The following PRTN3 variants were observed in gnomAD, a reference collection of about 807,000 sequenced individuals.
PRTN3 encodes the protein proteinase 3.
PRTN3 carries 22 observed loss-of-function variants against 20.7 expected under a neutral mutation model. That is an observed-to-expected ratio of 1.06 (90% CI 0.76 to 1.52). PRTN3 has a LOEUF of 1.52. PRTN3 is among the 40% of genes most tolerant of loss of function. The pLI, the probability that PRTN3 is intolerant of heterozygous loss-of-function variation, is 0.00. For missense variants in PRTN3, 378 were observed against 359.6 expected (o/e 1.05, Z -0.41); for synonymous variants, 173 against 152.9 (o/e 1.13, Z -0.97).
At chr19:846,099 A>C in intron 3 of PRTN3, 48 bp from the exon 4 acceptor site, 2 of 1,374,166 alleles carry the variant, frequency 1.5e-6, no homozygotes, top group Non-Finnish European at 1.9e-6. Context: ...CCGGGCGGCC[A>C]CCGTGACCTG....
At chr19:841,975 C>T (rs1237726131) in intron 1 of PRTN3, among the ~76,000 whole-genome samples, 1 of 151,784 alleles carries the variant, frequency 6.6e-6, no homozygotes, top group African/African-American at 2.4e-5. Context: ...GATCCGCCTG[C>T]CTCAGCCTCC....
intron 3 of PRTN3, among the ~76,000 whole-genome samples, chr19:845,271 A>C (rs912833431): frequency 1.9e-4 from 29 of 151,980 alleles, no homozygotes; most frequent in African/African-American, 6.5e-4. Context: ...TTTAAAAATC[A>C]ACCGGGCATG....
intron 1 of PRTN3, among the ~76,000 whole-genome samples, chr19:841,813 A>C (rs12976429): frequency 0.38 from 46,800 of 122,492 alleles, 9,459 homozygotes; most frequent in Admixed American, 0.5. Context: ...CTGCAAGCTC[A>C]GCCTCCCGGG....
Position 843,449 on chromosome 19 carries a change from C to T in PRTN3, c.62-12C>T, listed in dbSNP as rs532805834. On this transcript the variant is annotated splice_polypyrimidine_tract_variant and intron_variant, in intron 1 of 4. Coordinates refer to ENST00000234347, the MANE Select transcript of PRTN3 (RefSeq NM_002777.4). ...CTGGGGGCTCCCTGACGCCTGGACT[C>T]CCCCCCTGCAGGTGCTGCCCGAGCT... The T allele has an allele frequency of 5.2e-6, 8 of 1,544,404 alleles. No individual in the cohort carries two copies. In the Admixed American group the frequency reaches 5.7e-5, roughly 11 times the overall value.
intron 2 of PRTN3, 62 bp downstream of exon 2, chr19:843,688 G>C (rs2035475281): frequency 9.2e-6 from 14 of 1,517,388 alleles, no homozygotes; most frequent in African/African-American, 1.4e-5. Flanking sequence ...GCCCTGGCCC[G>C]GCCACTGTCC....
Position 841,045 on chromosome 19 carries a change from G to GTGCTGCTGGCCT in PRTN3, c.46_57dup (p.Ala16_Leu19dup). On this transcript the variant is annotated inframe_insertion, in exon 1 of 5. Transcript: ENST00000234347. ...GCCCCCCAGCCCTGCCCTGGCGTCCGTGCTGCTGGCCTTGCTGCTGAGCGG... is the reference window on the plus strand; with the variant it reads ...GCCCCCCAGCCCTGCCCTGGCGTCCGTGCTGCTGGCCTTGCTGCTGGCCTTGCTGCTGAGCGG... 1 of 1,607,872 alleles carries GTGCTGCTGGCCT rather than the reference G, an allele frequency of 6.2e-7. No homozygotes were observed. The highest frequency in any genetic ancestry group is 8.5e-7 in the Non-Finnish European group (1 of 1,179,892).
intron 4 of PRTN3, 67 bp from the exon 5 acceptor site, chr19:847,732 G>T: frequency 6.6e-7 from 1 of 1,518,476 alleles, no homozygotes; most frequent in Non-Finnish European, 8.9e-7. Flanking sequence ...TGGGTGACTG[G>T]CCGTCCCCAT....
chr19:846,093 G>A lies in PRTN3; in HGVS notation c.370-54G>A, dbSNP rs530014609. 1.6e-4 allele frequency: 218 copies of A among 1,340,272 alleles called. 5 individuals are homozygous for A. The Admixed American group carries it at 6.7e-3, about 41-fold the overall frequency. The allele number at this position is 1,340,272 out of a possible 1,614,324, so 83.0% of individuals were successfully genotyped here. On this transcript the variant is annotated intron_variant, in intron 3 of 4. Coordinates refer to ENST00000234347, the MANE Select transcript of PRTN3 (RefSeq NM_002777.4). ...TGGGTGTGGTGGGAGGGCGGCCCGG[G>A]CGGCCACCGTGACCTGGAAGCAGCG... is the stretch of plus-strand genomic sequence containing the variant.
intron 4 of PRTN3, among the ~76,000 whole-genome samples, 153 bp from the exon 5 acceptor site, chr19:847,646 C>G (rs1050834106): frequency 6.6e-6 from 1 of 152,130 alleles, no homozygotes. Context: ...CTACCCCAGC[C>G]CCCTTCCTGG....
At position 846,129 on chromosome 19, in the gene PRTN3, G is replaced by A. The variant is rs924049123; in HGVS notation, c.370-18G>A. 1.6e-5 allele frequency: 23 copies of A among 1,401,788 alleles called. No homozygotes were observed. Among genetic ancestry groups the A allele is most frequent in the Admixed American group, 3.2e-5 (1 of 31,546 alleles). The allele number at this position is 1,401,788 out of a possible 1,614,324, so 86.8% of individuals were successfully genotyped here. ...GACCTGGAAGCAGCGTCTCACCGCC[G>A]CCTGCCTTCTGCCCCAGCTGAGCAG... On this transcript the variant is annotated intron_variant, in intron 3 of 4. Transcript: ENST00000234347.
chr19:845,515 G>A (rs1405633386), intron 3 of PRTN3, among the ~76,000 whole-genome samples: 2 of 151,908 alleles, frequency 1.3e-5, no homozygotes, highest in African/African-American at 2.4e-5. Flanking sequence ...AGGAGTTTGA[G>A]ACCAGCCTGA....
chr19:846,514 C>A, intron 4 of PRTN3, 137 bp downstream of exon 4: 3 of 905,718 alleles, frequency 3.3e-6, no homozygotes, highest in South Asian at 3.3e-5. Flanking sequence ...TGGGCACACC[C>A]AACACCCAAC....
intron 2 of PRTN3, 96 bp from the exon 3 acceptor site, chr19:843,797 G>A (rs1359068143): frequency 6.8e-7 from 1 of 1,462,480 alleles, no homozygotes. Context: ...GTCGCCGAGG[G>A]AGGGGTCTGG....
In PRTN3 at chr19:841,075, T is replaced by C; in HGVS notation, c.61+6T>C. 2 of 1,603,906 alleles carry C rather than the reference T, an allele frequency of 1.2e-6. No individual in the cohort carries two copies. On this transcript the variant is annotated splice_donor_region_variant and intron_variant, in intron 1 of 4. Coordinates refer to ENST00000234347, the MANE Select transcript of PRTN3 (RefSeq NM_002777.4). ...GCTGGCCTTGCTGCTGAGCGGTGAG[T>C]GAGCCACGTGCCCATCCATCCAGCC...
At chr19:843,265 C>A in intron 1 of PRTN3, 196 bp from the exon 2 acceptor site, 1 of 588,618 alleles carries the variant, frequency 1.7e-6, no homozygotes, top group Non-Finnish European at 3.0e-6. Context: ...CTGAAAGCTG[C>A]CACCAGGGCG....
intron 3 of PRTN3, among the ~76,000 whole-genome samples, chr19:844,918 C>G (rs774432369): frequency 6.7e-6 from 1 of 149,280 alleles, no homozygotes; most frequent in African/African-American, 2.5e-5. Flanking sequence ...CCTGACCAAC[C>G]TAGTGAGACC....
In PRTN3 at chr19:848,077, G is replaced by A. The variant is rs1338296944; in HGVS notation, c.*108G>A. 3.0e-5 allele frequency: 40 copies of A among 1,353,724 alleles called. No individual in the cohort carries two copies. Among genetic ancestry groups the A allele is most frequent in the South Asian group, 2.0e-4 (14 of 71,014 alleles). 83.9% of individuals were successfully genotyped at this position (1,353,724 alleles called of 1,614,324 possible). A position where few individuals can be genotyped will look rare whatever the true frequency, so the allele number is the denominator to read the frequency against. On this transcript the variant is annotated 3_prime_UTR_variant, in exon 5 of 5. Transcript: ENST00000234347. ...CCCCGAACACTGTGGCGTCCGGGAC[G>A]GCCCCACCCGTCCCCCCACACTCCC... is the stretch of plus-strand genomic sequence containing the variant.
At chr19:846,063 T>G in intron 3 of PRTN3, 84 bp from the exon 4 acceptor site, 5 of 980,814 alleles carry the variant, frequency 5.1e-6, no homozygotes, top group South Asian at 2.0e-5. Context: ...AGGTGGTGGG[T>G]GTGGTGGGTG....
Position 841,122 on chromosome 19 carries a change from G to A in PRTN3, c.61+53G>A, listed in dbSNP as rs754303481. 6.0e-4 allele frequency: 952 copies of A among 1,580,412 alleles called. 2 individuals are homozygous for A. The highest frequency in any genetic ancestry group is 7.7e-4 in the Non-Finnish European group (894 of 1,167,826). ...AGCCTCCAGGCCCCGGTGGATTGTG[G>A]GGAAATATCCACCACGAGGTCCATC... On this transcript the variant is annotated intron_variant, in intron 1 of 4. Coordinates refer to ENST00000234347, the MANE Select transcript of PRTN3 (RefSeq NM_002777.4).
Sources: gnomAD v4.1 joint callset for allele counts (sites outside exome capture counted in the v4.1 genomes callset) on GRCh38, gnomAD v4.1.1 for gene constraint, MANE v1.5 for transcripts, NCBI Gene and HGNC (gene_info 2026-07-23, HGNC 2026-07-21) for gene names.